The following DSCAM variants were observed in gnomAD, a reference collection of about 807,000 sequenced individuals.
The protein encoded by DSCAM is DS cell adhesion molecule.
A neutral mutation model predicts 217.7 loss-of-function variants in DSCAM; 47 were observed. The ratio of observed to expected loss-of-function variants is 0.22; its 90% confidence interval spans 0.17 to 0.28. The LOEUF (loss-of-function observed/expected upper bound fraction) is 0.28, where lower values mean the gene tolerates loss of function less well. Ranked by LOEUF, DSCAM falls within the 10% of genes least tolerant of loss-of-function variation. DSCAM has a pLI of 1.00. For missense variants in DSCAM, 2,080 were observed against 2,618.3 expected (o/e 0.79, Z 4.49); for synonymous variants, 1,056 against 1,015.3 (o/e 1.04, Z -0.76).
chr21:40,248,297 A>G (rs145811086), intron 11 of DSCAM, among the ~76,000 whole-genome samples: 9 of 152,258 alleles, frequency 5.9e-5, no homozygotes, highest in African/African-American at 1.4e-4. Flanking sequence ...TTTCTTTTCT[A>G]TCACATTGTC....
Position 40,203,507 on chromosome 21 carries a change from G to A in DSCAM, c.2357-14269C>T, listed in dbSNP as rs537552589. 1.8e-4 allele frequency among the ~76,000 whole-genome samples: 27 copies of A among 152,198 alleles called. 1 individual carries two copies. Among genetic ancestry groups the A allele is most frequent in the Admixed American group, 5.9e-4 (9 of 15,278 alleles). ...AGAGCCTTGTTTTCTAGTACCCTGC[G>A]TGCATATTGCAGAAGCAGCTCAGGC... On this transcript the variant is annotated intron_variant, in intron 11 of 32. Transcript: ENST00000400454.
chr21:40,194,405 CT>C (rs1650806181), intron 11 of DSCAM, among the ~76,000 whole-genome samples: 1 of 152,132 alleles, frequency 6.6e-6, no homozygotes, highest in Non-Finnish European at 1.5e-5. Flanking sequence ...GACAACATGT[CT>C]GTACAGCAGC....
intron 3 of DSCAM, among the ~76,000 whole-genome samples, chr21:40,542,159 A>T (rs1163713765): frequency 6.6e-6 from 1 of 151,964 alleles, no homozygotes; most frequent in Non-Finnish European, 1.5e-5. Flanking sequence ...TTTCAGAAGA[A>T]GATTATTCAA....
chr21:40,351,710 C>T (rs1193269350), intron 5 of DSCAM, among the ~76,000 whole-genome samples: 1 of 152,082 alleles, frequency 6.6e-6, no homozygotes, highest in South Asian at 2.1e-4. Flanking sequence ...GGAGAATCAC[C>T]TAGATGTGGA....
intron 11 of DSCAM, among the ~76,000 whole-genome samples, chr21:40,246,907 G>A (rs2073233680): frequency 6.6e-6 from 1 of 152,120 alleles, no homozygotes; most frequent in Non-Finnish European, 1.5e-5. Flanking sequence ...AGACATACCT[G>A]AGGCTGGGAA....
intron 18 of DSCAM, among the ~76,000 whole-genome samples, chr21:40,135,020 CA>C (rs1352367024): frequency 6.6e-6 from 1 of 152,214 alleles, no homozygotes; most frequent in African/African-American, 2.4e-5. Context: ...TCAACTCCAG[CA>C]TATGATACAC....
rs552895594 is a variant in DSCAM, at chr21:40,170,088, G to A, written c.2948-2800C>T. Among the ~76,000 whole-genome samples the A allele has an allele frequency of 1.3e-4, 20 of 152,174 alleles. No homozygotes were observed. In the South Asian group the frequency reaches 4.2e-3, roughly 32 times the overall value. On this transcript the variant is annotated intron_variant, in intron 15 of 32. Coordinates refer to ENST00000400454, the MANE Select transcript of DSCAM (RefSeq NM_001389.5). ...ACCTCGCCGTCCTCTCCACGCTTTCGTTCCGCGCACTCCCTATGCACCCTG... is the reference window on the plus strand; with the variant it reads ...ACCTCGCCGTCCTCTCCACGCTTTCATTCCGCGCACTCCCTATGCACCCTG...
intron 9 of DSCAM, among the ~76,000 whole-genome samples, chr21:40,301,619 A>ACCACAGCCTTTATTACACTCG (rs1197261443): frequency 2.6e-4 from 40 of 151,668 alleles, no homozygotes; most frequent in African/African-American, 6.3e-4. Flanking sequence ...CTCATCTGGT[A>ACCACAGCCTTTATTACACTCG]TTGCTGTTTA....
chr21:40,114,722 A>G (rs2146645641), intron 20 of DSCAM, among the ~76,000 whole-genome samples: 1 of 152,304 alleles, frequency 6.6e-6, no homozygotes, highest in East Asian at 1.9e-4. Context: ...TACAAGAAAA[A>G]AACAAACAAC....
chr21:40,062,395 C>G (rs771065056), intron 28 of DSCAM, among the ~76,000 whole-genome samples: 23 of 152,204 alleles, frequency 1.5e-4, no homozygotes, highest in Non-Finnish European at 2.1e-4. Flanking sequence ...AGACAGTGAA[C>G]AGACAGTGGT....
At chr21:40,258,168 A>G (rs1307536796) in intron 11 of DSCAM, among the ~76,000 whole-genome samples, 1 of 152,192 alleles carries the variant, frequency 6.6e-6, no homozygotes, top group African/African-American at 2.4e-5. Flanking sequence ...AGTACCATAT[A>G]CAAAAAGGAG....
chr21:40,197,127 TTTC>T (rs2091019564), intron 11 of DSCAM, among the ~76,000 whole-genome samples: 2 of 142,692 alleles, frequency 1.4e-5, no homozygotes, highest in African/African-American at 6.0e-5. Flanking sequence ...TCTTTCTTTT[TTTC>T]TTTTTTGAGA....
At chr21:40,544,774 G>A (rs74277182) in intron 3 of DSCAM, among the ~76,000 whole-genome samples, 2,480 of 152,134 alleles carry the variant, frequency 0.016, 53 homozygotes, top group Admixed American at 0.037. Flanking sequence ...CATTTTTATT[G>A]TTGTTATATA....
In DSCAM at chr21:40,083,890, C is replaced by A; in HGVS notation, c.4231+18G>T. 3 of 1,589,512 alleles carry A rather than the reference C, an allele frequency of 1.9e-6. No individual in the cohort carries two copies. Among genetic ancestry groups the A allele is most frequent in the Non-Finnish European group, 2.6e-6 (3 of 1,164,256 alleles). Reference sequence around the variant, plus strand: ...CACACAACTAATCAACTATTGTGGACAATCTATATCTTATTACCTCTGATA... The same window carrying A: ...CACACAACTAATCAACTATTGTGGAAAATCTATATCTTATTACCTCTGATA... On this transcript the variant is annotated intron_variant, in intron 24 of 32. Coordinates refer to ENST00000400454, the MANE Select transcript of DSCAM (RefSeq NM_001389.5).
intron 6 of DSCAM, among the ~76,000 whole-genome samples, chr21:40,343,083 A>C (rs1182570877): frequency 6.6e-6 from 1 of 152,136 alleles, no homozygotes; most frequent in Non-Finnish European, 1.5e-5. Context: ...TGTAAATGAA[A>C]GTTTCAAAAT....
At chr21:40,484,656 C>A (rs772971507) in intron 3 of DSCAM, among the ~76,000 whole-genome samples, 5 of 152,080 alleles carry the variant, frequency 3.3e-5, no homozygotes, top group Non-Finnish European at 5.9e-5. Flanking sequence ...CCTGCCACTG[C>A]GTCATCTCCT....
At chr21:40,845,322 A>T (rs898282408) in intron 1 of DSCAM, among the ~76,000 whole-genome samples, 3 of 152,128 alleles carry the variant, frequency 2.0e-5, no homozygotes, top group East Asian at 1.9e-4. Flanking sequence ...CCGTTTTTTT[A>T]AAAAATTGAC....
intron 3 of DSCAM, among the ~76,000 whole-genome samples, chr21:40,396,620 G>T (rs1295215203): frequency 6.6e-6 from 1 of 151,952 alleles, no homozygotes; most frequent in Admixed American, 6.6e-5. Context: ...GAGAATGCAG[G>T]CCCCTAAAAC....
intron 3 of DSCAM, among the ~76,000 whole-genome samples, chr21:40,387,379 A>AG (rs2123746103): frequency 6.6e-6 from 1 of 152,204 alleles, no homozygotes; most frequent in South Asian, 2.1e-4. Flanking sequence ...AAAAAAAAAA[A>AG]CAGCCTTTGC....
Sources: gnomAD v4.1 joint callset for allele counts (sites outside exome capture counted in the v4.1 genomes callset) on GRCh38, gnomAD v4.1.1 for gene constraint, MANE v1.5 for transcripts, NCBI Gene and HGNC (gene_info 2026-07-23, HGNC 2026-07-21) for gene names.